Variants in FSD1L observed in about 807,000 individuals in gnomAD.
FSD1L encodes FSD1-like protein.
FSD1L carries 45 observed loss-of-function variants against 71.6 expected under a neutral mutation model. The observed-to-expected ratio is 0.63, with a 90% CI of 0.49 to 0.81. FSD1L has a LOEUF of 0.81. Ranked by LOEUF, FSD1L falls within the 30% of genes least tolerant of loss-of-function variation. The probability of loss-of-function intolerance (pLI) is 0.00; values close to 1 mark genes in which losing one functional copy is unlikely to be tolerated. For missense variants in FSD1L, 561 were observed against 618.1 expected, an observed-to-expected ratio of 0.91 and a Z score of 0.98; for synonymous variants, 197 against 207.2, an observed-to-expected ratio of 0.95 and a Z score of 0.42.
chr9:105,467,772 G>T (rs1831172768), intron 3 of FSD1L, among the ~76,000 whole-genome samples: 1 of 152,120 alleles, frequency 6.6e-6, no homozygotes. Flanking sequence ...CGGAATTACT[G>T]AATTAAAATC....
intron 10 of FSD1L, chr9:105,521,756 C>T (rs1005201461): frequency 5.6e-6 from 9 of 1,612,894 alleles, no homozygotes; most frequent in Admixed American, 5.0e-5. Context: ...GGGCAAAAAA[C>T]GGCTCCTACC....
At chr9:105,495,471 G>A (rs559632531) in intron 7 of FSD1L, among the ~76,000 whole-genome samples, 100 of 152,286 alleles carry the variant, frequency 6.6e-4, no homozygotes, top group African/African-American at 1.4e-3. Flanking sequence ...GCAATGCCTC[G>A]CCCTGCTTCG....
intron 12 of FSD1L, among the ~76,000 whole-genome samples, chr9:105,536,754 G>A (rs1019205117): frequency 1.5e-4 from 22 of 151,470 alleles, no homozygotes; most frequent in African/African-American, 5.4e-4. Flanking sequence ...TCCTGCCTCA[G>A]CCTCCTGAGT....
chr9:105,477,390 C>T (rs1287559777), intron 5 of FSD1L, among the ~76,000 whole-genome samples: 2 of 152,198 alleles, frequency 1.3e-5, no homozygotes, highest in African/African-American at 2.4e-5. Context: ...CAAATTCACC[C>T]AGGCATGATC....
intron 5 of FSD1L, chr9:105,472,963 A>G (rs541314392): frequency 2.4e-4 from 37 of 152,350 alleles, no homozygotes; most frequent in African/African-American, 8.9e-4. Flanking sequence ...GACTTATTAT[A>G]TAAAGGAATT....
intron 7 of FSD1L, among the ~76,000 whole-genome samples, chr9:105,499,764 A>T (rs1029404820): frequency 2.7e-4 from 40 of 150,602 alleles, no homozygotes; most frequent in Admixed American, 2.6e-3. Context: ...ATTGTTTCAA[A>T]TATATCTTCT....
intron 3 of FSD1L, among the ~76,000 whole-genome samples, chr9:105,465,456 G>C (rs534989203): frequency 6.6e-6 from 1 of 152,194 alleles, no homozygotes; most frequent in South Asian, 2.1e-4. Flanking sequence ...TACTACAAAA[G>C]AGAGAAATAC....
At chr9:105,524,214 A>G (rs1232756243) in intron 10 of FSD1L, 1 of 1,612,124 alleles carries the variant, frequency 6.2e-7, no homozygotes, top group African/African-American at 1.3e-5. Context: ...TCTGAATGTG[A>G]TTTGTGTTTC....
intron 2 of FSD1L, among the ~76,000 whole-genome samples, chr9:105,462,609 C>T (rs1026551742): frequency 6.8e-6 from 1 of 147,962 alleles, no homozygotes; most frequent in Admixed American, 6.7e-5. Context: ...CTGCAGCCTC[C>T]ACCTCCCAGT....
chr9:105,467,883 C>T (rs1479901289), intron 3 of FSD1L, among the ~76,000 whole-genome samples: 1 of 152,120 alleles, frequency 6.6e-6, no homozygotes, highest in Non-Finnish European at 1.5e-5. Flanking sequence ...AAGGTCTGGA[C>T]GAAGTTGGGA....
intron 3 of FSD1L, among the ~76,000 whole-genome samples, chr9:105,466,082 A>G (rs777910111): frequency 1.3e-5 from 2 of 152,222 alleles, no homozygotes; most frequent in African/African-American, 2.4e-5. Flanking sequence ...CACAAAAATC[A>G]GTATTGCTTC....
intron 10 of FSD1L, chr9:105,525,546 A>G (rs1835455194): frequency 6.2e-7 from 1 of 1,611,394 alleles, no homozygotes; most frequent in African/African-American, 1.3e-5. Context: ...ATTATTGCAG[A>G]TTGCTTCTTA....
intron 1 of FSD1L, among the ~76,000 whole-genome samples, chr9:105,454,622 C>T (rs1220169862): frequency 1.3e-5 from 2 of 152,162 alleles, no homozygotes; most frequent in Non-Finnish European, 2.9e-5. Flanking sequence ...TTTCTTTGGC[C>T]GACTATGAGC....
At chr9:105,513,039 G>A (rs1834487053) in intron 10 of FSD1L, 103 bp downstream of exon 10, 1 of 938,174 alleles carries the variant, frequency 1.1e-6, no homozygotes, top group African/African-American at 1.7e-5. Context: ...ACCTATGAGA[G>A]TTACAGTATA....
At chr9:105,517,237 G>A (rs1280193642) in intron 10 of FSD1L, among the ~76,000 whole-genome samples, 2 of 152,218 alleles carry the variant, frequency 1.3e-5, no homozygotes, top group Admixed American at 1.3e-4. Flanking sequence ...ATGGAACCAA[G>A]TTGGAAACAC....
intron 7 of FSD1L, among the ~76,000 whole-genome samples, chr9:105,490,064 C>A (rs976563318): frequency 3.9e-5 from 6 of 152,248 alleles, no homozygotes; most frequent in African/African-American, 1.4e-4. Flanking sequence ...GTTCTAGATC[C>A]CTGAGGAATC....
At chr9:105,490,162 A>C (rs1832828943) in intron 7 of FSD1L, among the ~76,000 whole-genome samples, 1 of 152,138 alleles carries the variant, frequency 6.6e-6, no homozygotes. Context: ...CCTCTCCAGC[A>C]CCTGTTGTTT....
intron 10 of FSD1L, chr9:105,521,923 T>C (rs933866751): frequency 6.8e-6 from 11 of 1,612,400 alleles, no homozygotes; most frequent in Admixed American, 6.7e-5. Flanking sequence ...CACACAGATA[T>C]GTGTAAACGC....
At chr9:105,476,958 T>A (rs1003160661) in intron 5 of FSD1L, among the ~76,000 whole-genome samples, 3 of 152,208 alleles carry the variant, frequency 2.0e-5, no homozygotes, top group African/African-American at 4.8e-5. Flanking sequence ...ATGGGAGTTT[T>A]CAGTTTTACT....
Sources: allele counts gnomAD v4.1 joint callset (sites outside exome capture counted in the v4.1 genomes callset), GRCh38; gene constraint gnomAD v4.1.1; transcripts MANE v1.5; gene names NCBI Gene and HGNC (gene_info 2026-07-23, HGNC 2026-07-21).